FHL2: variants seen among roughly 807,000 people sequenced by gnomAD.
FHL2 encodes four and a half LIM domains 2.
A neutral mutation model predicts 32.7 loss-of-function variants in FHL2; 20 were observed. The observed-to-expected ratio is 0.61, with a 90% CI of 0.43 to 0.89. FHL2 has a LOEUF of 0.89. FHL2 is among the 40% of genes least tolerant of loss of function. FHL2 has a pLI of 0.00. For missense variants in FHL2, 311 were observed against 358.6 expected (o/e 0.87, Z 1.07); for synonymous variants, 123 against 128.1 (o/e 0.96, Z 0.27).
intron 3 of FHL2, chr2:105,373,964 A>G: frequency 1.8e-6 from 1 of 567,646 alleles, no homozygotes; most frequent in South Asian, 2.1e-5. Context: ...ATGTGCATGT[A>G]TGCACATGTC....
intron 2 of FHL2, among the ~76,000 whole-genome samples, chr2:105,396,190 C>T (rs890545149): frequency 6.6e-6 from 1 of 152,166 alleles, no homozygotes; most frequent in African/African-American, 2.4e-5. Flanking sequence ...TGATTTAGCT[C>T]ACACAATTAC....
chr2:105,384,988 G>A (rs1490913413), intron 3 of FHL2, among the ~76,000 whole-genome samples: 2 of 152,244 alleles, frequency 1.3e-5, no homozygotes, highest in Non-Finnish European at 2.9e-5. Flanking sequence ...CAGGTGCAGT[G>A]AGACACGCAG....
chr2:105,378,005 A>G, intron 3 of FHL2: 1 of 463,612 alleles, frequency 2.2e-6, no homozygotes, highest in Non-Finnish European at 4.5e-6. Flanking sequence ...CCTTCAAGAA[A>G]AACTGAGAGA....
upstream of FHL2, among the ~76,000 whole-genome samples, chr2:105,401,699 C>T (rs1189769750): frequency 6.6e-6 from 1 of 152,092 alleles, no homozygotes; most frequent in Non-Finnish European, 1.5e-5. Context: ...TTTACATATG[C>T]GGCTGTTAAA....
chr2:105,426,485 C>T (rs1199866097), intron 1 of FHL2, among the ~76,000 whole-genome samples: 3 of 152,228 alleles, frequency 2.0e-5, no homozygotes, highest in Non-Finnish European at 4.4e-5. Flanking sequence ...TCCTTCCAGA[C>T]ATCCTGCCTA....
At chr2:105,376,362 A>T (rs1223102109) in intron 3 of FHL2, 1 of 151,902 alleles carries the variant, frequency 6.6e-6, no homozygotes, top group Non-Finnish European at 1.5e-5. Context: ...GTGTTCATTT[A>T]AAAAAATCCA....
At chr2:105,428,830 G>A (rs1287715969) in intron 1 of FHL2, among the ~76,000 whole-genome samples, 7 of 152,190 alleles carry the variant, frequency 4.6e-5, no homozygotes, top group African/African-American at 7.2e-5. Context: ...CTTGGCGGCT[G>A]CTCTGTACTC....
At chr2:105,394,636 A>C (rs1331943636) in intron 2 of FHL2, among the ~76,000 whole-genome samples, 1 of 152,102 alleles carries the variant, frequency 6.6e-6, no homozygotes, top group African/African-American at 2.4e-5. Context: ...GAAAGAAAGA[A>C]AAAAAGTATC....
intron 1 of FHL2, among the ~76,000 whole-genome samples, chr2:105,413,555 C>T (rs1406935301): frequency 1.3e-5 from 2 of 152,068 alleles, no homozygotes; most frequent in South Asian, 4.2e-4. Flanking sequence ...CTCACTATAA[C>T]CTCAAGTTCC....
At chr2:105,381,462 G>A (rs1311366865) in intron 3 of FHL2, among the ~76,000 whole-genome samples, 3 of 152,120 alleles carry the variant, frequency 2.0e-5, no homozygotes, top group Non-Finnish European at 2.9e-5. Flanking sequence ...GCTTGTCAAA[G>A]GTGGAGCCAG....
At chr2:105,407,379 G>A (rs1318092984) in intron 1 of FHL2, among the ~76,000 whole-genome samples, 8 of 141,302 alleles carry the variant, frequency 5.7e-5, no homozygotes, top group Non-Finnish European at 1.1e-4. Context: ...GTGACAGAGC[G>A]AGACTCTGTC....
downstream of FHL2, chr2:105,358,989 G>T (rs1219106222): frequency 6.6e-6 from 1 of 152,196 alleles, no homozygotes; most frequent in Non-Finnish European, 1.5e-5. Flanking sequence ...TAGATCCCTG[G>T]CGGGGGCCTG....
At chr2:105,370,597 T>G (rs1573297773) in intron 4 of FHL2, among the ~76,000 whole-genome samples, 1 of 151,994 alleles carries the variant, frequency 6.6e-6, no homozygotes, top group Admixed American at 6.6e-5. Flanking sequence ...AGCTGGTGGG[T>G]GAGTTTTTCA....
In FHL2 at chr2:105,361,261, C is replaced by T; in HGVS notation, c.*22G>A. ...AAAAATCTGTGTGTGAGATCACAAG[C>T]AGCAACTTCTCTGTGTTGAATTCAG... On this transcript the variant is annotated 3_prime_UTR_variant, in exon 7 of 7. Coordinates refer to ENST00000530340, the MANE Select transcript of FHL2 (RefSeq NM_001318895.3). The T allele has an allele frequency of 6.3e-7, 1 of 1,599,084 alleles. No homozygotes were observed. Among genetic ancestry groups the T allele is most frequent in the Non-Finnish European group, 8.5e-7 (1 of 1,171,338 alleles).
chr2:105,418,576 T>G (rs1684003835), intron 1 of FHL2, among the ~76,000 whole-genome samples: 1 of 152,252 alleles, frequency 6.6e-6, no homozygotes, highest in Admixed American at 6.5e-5. Context: ...CGTTCTGCAC[T>G]TTACATTTTT....
chr2:105,363,224 A>G, intron 6 of FHL2, 61 bp downstream of exon 6: 1 of 1,553,602 alleles, frequency 6.4e-7, no homozygotes, highest in Non-Finnish European at 8.8e-7. Flanking sequence ...CACAGGCTAA[A>G]ATGCTAGGCC....
intron 1 of FHL2, among the ~76,000 whole-genome samples, chr2:105,433,180 TTC>T (rs201241744): frequency 1.1e-3 from 152 of 141,562 alleles, no homozygotes; most frequent in Admixed American, 1.7e-3. Context: ...CTTCTTCTTC[TTC>T]TTTTTTTTTT....
intron 1 of FHL2, among the ~76,000 whole-genome samples, chr2:105,437,982 G>T (rs1181184401): frequency 6.6e-6 from 1 of 152,134 alleles, no homozygotes; most frequent in East Asian, 1.9e-4. Context: ...AAGTTCAAGT[G>T]CACTGTGGTT....
chr2:105,434,460 C>A (rs1459949287), intron 1 of FHL2, among the ~76,000 whole-genome samples: 6 of 152,112 alleles, frequency 3.9e-5, no homozygotes, highest in Non-Finnish European at 2.9e-5. Flanking sequence ...CCCAGCTACT[C>A]AGGAGGCTGA....
Sources: allele counts gnomAD v4.1 joint callset (sites outside exome capture counted in the v4.1 genomes callset), GRCh38; gene constraint gnomAD v4.1.1; transcripts MANE v1.5; gene names NCBI Gene and HGNC (gene_info 2026-07-23, HGNC 2026-07-21).